The following GALNT11 variants were observed in gnomAD, a reference collection of about 807,000 sequenced individuals.
The protein encoded by GALNT11 is UDP-GalNAc:polypeptide N-acetylgalactosaminyltransferase 11.
A neutral mutation model predicts 72.7 loss-of-function variants in GALNT11; 47 were observed. The ratio of observed to expected loss-of-function variants is 0.65; its 90% CI spans 0.51 to 0.82. The LOEUF is 0.82. Ranked by LOEUF, GALNT11 falls within the 40% of genes least tolerant of loss-of-function variation. GALNT11 has a pLI of 0.00. For missense variants in GALNT11, 677 were observed against 778.4 expected (o/e 0.87, Z 1.55); for synonymous variants, 270 against 286.6 (o/e 0.94, Z 0.58).
chr7:152,107,962 C>T, intron 5 of GALNT11, 76 bp from the exon 6 acceptor site: 3 of 1,517,476 alleles, frequency 2.0e-6, no homozygotes, highest in Non-Finnish European at 2.7e-6. Flanking sequence ...GTCAGCGCGT[C>T]ATCCCATTGG....
At chr7:152,103,387 C>CA in intron 4 of GALNT11, 109 bp downstream of exon 4, 1 of 1,081,418 alleles carries the variant, frequency 9.2e-7, no homozygotes, top group Admixed American at 2.0e-5. Flanking sequence ...GGGGATCCTA[C>CA]ACGTGCAGTC....
chr7:152,089,142 G>A (rs1341572467), intron 1 of GALNT11, among the ~76,000 whole-genome samples: 1 of 152,124 alleles, frequency 6.6e-6, no homozygotes, highest in Non-Finnish European at 1.5e-5. Flanking sequence ...TGGGCAGGGG[G>A]CTAGGGAACG....
At chr7:152,067,040 CACA>C (rs1237895849) in intron 1 of GALNT11, among the ~76,000 whole-genome samples, 1 of 152,100 alleles carries the variant, frequency 6.6e-6, no homozygotes. Context: ...AAACAAAAAC[CACA>C]ACGTCAACGA....
chr7:152,092,682 G>C (rs912274821), intron 1 of GALNT11, among the ~76,000 whole-genome samples: 9 of 152,192 alleles, frequency 5.9e-5, no homozygotes, highest in African/African-American at 1.7e-4. Context: ...AATTTTTACA[G>C]TGGTGCTTTA....
intron 1 of GALNT11, among the ~76,000 whole-genome samples, chr7:152,068,141 C>A (rs2084422585): frequency 6.6e-6 from 1 of 152,116 alleles, no homozygotes; most frequent in African/African-American, 2.4e-5. Flanking sequence ...AGTTGCCCTG[C>A]CCTAAAAATT....
intron 3 of GALNT11, among the ~76,000 whole-genome samples, chr7:152,101,642 T>TTGGGG (rs1491144850): frequency 2.1e-5 from 2 of 93,172 alleles, no homozygotes; most frequent in African/African-American, 7.9e-5. Flanking sequence ...GGCTTTTTTT[T>TTGGGG]GGGGGGGGGG....
chr7:152,090,951 G>A (rs1244330208), intron 1 of GALNT11, among the ~76,000 whole-genome samples: 2 of 152,144 alleles, frequency 1.3e-5, no homozygotes. Flanking sequence ...AGTGGGGAGG[G>A]CTGAGTGCCC....
At chr7:152,030,848 G>C (rs1215687079) in intron 1 of GALNT11, among the ~76,000 whole-genome samples, 1 of 151,708 alleles carries the variant, frequency 6.6e-6, no homozygotes, top group Non-Finnish European at 1.5e-5. Flanking sequence ...CTTTCTGCTG[G>C]TCTTTCCCTT....
At chr7:152,107,688 A>G (rs1473804826) in intron 5 of GALNT11, 1 of 191,390 alleles carries the variant, frequency 5.2e-6, no homozygotes, top group Non-Finnish European at 1.1e-5. Flanking sequence ...GCACCAAAAC[A>G]TCTTGGAATA....
At chr7:152,066,975 T>C (rs6967376) in intron 1 of GALNT11, among the ~76,000 whole-genome samples, 7,232 of 152,136 alleles carry the variant, frequency 0.048, 577 homozygotes, top group African/African-American at 0.17. Context: ...GAAAATGGTG[T>C]TCATATACTT....
At chr7:152,095,970 T>C (rs1318803850) in intron 2 of GALNT11, among the ~76,000 whole-genome samples, 1 of 152,188 alleles carries the variant, frequency 6.6e-6, no homozygotes, top group Non-Finnish European at 1.5e-5. Context: ...ATTTTTATAC[T>C]GTAGCAACAA....
intron 1 of GALNT11, among the ~76,000 whole-genome samples, chr7:152,034,084 T>A (rs562318920): frequency 6.6e-6 from 1 of 152,268 alleles, no homozygotes; most frequent in Admixed American, 6.5e-5. Context: ...CCTAGTTGGG[T>A]CAAATTCCCT....
intron 2 of GALNT11, among the ~76,000 whole-genome samples, chr7:152,099,342 T>TTTA (rs1563070787): frequency 1.3e-4 from 18 of 143,578 alleles, no homozygotes; most frequent in African/African-American, 4.1e-4. Context: ...AAAAATGGAC[T>TTTA]TTTATTTATT....
At position 152,108,205 on chromosome 7, in the gene GALNT11, T is replaced by A; in HGVS notation, c.880T>A (p.Phe294Ile). 2.5e-6 allele frequency: 4 copies of A among 1,613,990 alleles called. No individual in the cohort carries two copies. The highest frequency in any genetic ancestry group is 3.4e-6 in the Non-Finnish European group (4 of 1,179,992). ...YSSSPVVRGG[F>I]NWGLHFKWDL... ...CTCGTCCCCTGTCGTCCGCGGAGGGTTCAACTGGGGACTGCACTTCAAATG... is the reference window on the plus strand; with the variant it reads ...CTCGTCCCCTGTCGTCCGCGGAGGGATCAACTGGGGACTGCACTTCAAATG... Residue 294 changes from phenylalanine (F) to isoleucine (I), a missense_variant, in exon 6 of 12, where the codon TTC becomes ATC. Transcript: ENST00000430044.
At chr7:152,055,565 GTGTATA>G (rs1464315664) in intron 1 of GALNT11, among the ~76,000 whole-genome samples, 85 of 111,152 alleles carry the variant, frequency 7.6e-4, no homozygotes, top group African/African-American at 3.1e-3. Flanking sequence ...GTGTGTGTGT[GTGTATA>G]TATACATATA....
At chr7:152,096,041 A>T (rs1419854687) in intron 2 of GALNT11, among the ~76,000 whole-genome samples, 1 of 152,224 alleles carries the variant, frequency 6.6e-6, no homozygotes, top group Non-Finnish European at 1.5e-5. Flanking sequence ...AAAGTCATAA[A>T]ACACTTAAGA....
intron 1 of GALNT11, among the ~76,000 whole-genome samples, chr7:152,032,956 G>A (rs1452853077): frequency 1.3e-5 from 2 of 152,228 alleles, no homozygotes; most frequent in Admixed American, 1.3e-4. Flanking sequence ...GGATGGTAAT[G>A]GACCTTGAGG....
chr7:152,063,098 A>C (rs976209581), intron 1 of GALNT11, among the ~76,000 whole-genome samples: 2 of 152,146 alleles, frequency 1.3e-5, no homozygotes, highest in Admixed American at 6.5e-5. Context: ...CTGGTCCTGG[A>C]CTTTTTTTTG....
At chr7:152,052,136 A>G (rs1050690421) in intron 1 of GALNT11, among the ~76,000 whole-genome samples, 3 of 152,234 alleles carry the variant, frequency 2.0e-5, no homozygotes, top group Admixed American at 2.0e-4. Context: ...TGTCTGATTT[A>G]TTTCACATAA....
Sources: allele counts gnomAD v4.1 joint callset (sites outside exome capture counted in the v4.1 genomes callset), GRCh38; gene constraint gnomAD v4.1.1; transcripts MANE v1.5; gene names NCBI Gene and HGNC (gene_info 2026-07-23, HGNC 2026-07-21).